OXR1: variants seen among roughly 807,000 people sequenced by gnomAD.
OXR1 encodes oxidation resistance 1.
Under a neutral mutation model 104.6 loss-of-function variants are expected in OXR1, and 41 were observed. The ratio of observed to expected loss-of-function variants is 0.39; its 90% CI spans 0.31 to 0.51. The LOEUF is 0.51. OXR1 is among the 20% of genes least tolerant of loss of function. The probability of loss-of-function intolerance (pLI) is 0.77; values close to 1 mark genes in which losing one functional copy is unlikely to be tolerated. For missense variants in OXR1, 955 were observed against 1,031.9 expected, an observed-to-expected ratio of 0.93 and a Z score of 1.02; for synonymous variants, 348 against 348.4, an observed-to-expected ratio of 1.00 and a Z score of 0.01.
intron 3 of OXR1, among the ~76,000 whole-genome samples, chr8:106,595,434 C>G (rs997820081): frequency 6.6e-6 from 1 of 151,234 alleles, no homozygotes; most frequent in Non-Finnish European, 1.5e-5. Flanking sequence ...CTTGTAATCC[C>G]AGCTACCCAT....
chr8:106,288,940 A>G (rs756869762), intron 1 of OXR1, among the ~76,000 whole-genome samples: 5 of 152,014 alleles, frequency 3.3e-5, no homozygotes, highest in Non-Finnish European at 5.9e-5. Flanking sequence ...TTGGGAAAAA[A>G]GTGGTGAATA....
At chr8:106,433,640 T>A (rs1336407403) in intron 2 of OXR1, among the ~76,000 whole-genome samples, 1 of 152,138 alleles carries the variant, frequency 6.6e-6, no homozygotes, top group Admixed American at 6.5e-5. Context: ...GTAGAGTCAA[T>A]TAGGTCTGAT....
chr8:106,348,719 A>C (rs1012281629), intron 1 of OXR1, among the ~76,000 whole-genome samples: 2 of 152,122 alleles, frequency 1.3e-5, no homozygotes, highest in African/African-American at 4.8e-5. Flanking sequence ...ACACCTGAAA[A>C]ACTTTGAGTT....
intron 2 of OXR1, among the ~76,000 whole-genome samples, chr8:106,486,398 G>C (rs1273842785): frequency 6.6e-6 from 1 of 152,064 alleles, no homozygotes; most frequent in Non-Finnish European, 1.5e-5. Context: ...TATTCTCTCA[G>C]ATATGACCTT....
intron 2 of OXR1, among the ~76,000 whole-genome samples, chr8:106,376,918 G>A (rs1310738188): frequency 6.6e-6 from 1 of 152,184 alleles, no homozygotes. Flanking sequence ...ATTAATACAA[G>A]TATCCCCTAC....
At chr8:106,592,217 A>G (rs1394483297) in intron 3 of OXR1, among the ~76,000 whole-genome samples, 2 of 152,236 alleles carry the variant, frequency 1.3e-5, no homozygotes, top group African/African-American at 4.8e-5. Context: ...TGGAGAAGTG[A>G]AAATCAAGAT....
chr8:106,616,600 C>T (rs1258831207), intron 3 of OXR1, among the ~76,000 whole-genome samples: 1 of 152,134 alleles, frequency 6.6e-6, no homozygotes, highest in Non-Finnish European at 1.5e-5. Context: ...TGGTCATGTA[C>T]TTTACTAGTC....
chr8:106,453,334 A>G (rs960772529), intron 2 of OXR1, among the ~76,000 whole-genome samples: 5 of 152,236 alleles, frequency 3.3e-5, no homozygotes, highest in African/African-American at 1.2e-4. Flanking sequence ...GGTAAAGTAC[A>G]TGGACCACTT....
At chr8:106,322,549 G>A (rs1381893857) in intron 1 of OXR1, among the ~76,000 whole-genome samples, 1 of 152,158 alleles carries the variant, frequency 6.6e-6, no homozygotes, top group African/African-American at 2.4e-5. Flanking sequence ...AATCAGGCAG[G>A]AGAAAGAAAT....
chr8:106,595,831 T>G (rs1007517051), intron 3 of OXR1, among the ~76,000 whole-genome samples: 2 of 152,152 alleles, frequency 1.3e-5, no homozygotes, highest in African/African-American at 4.8e-5. Context: ...TAGAATTCAG[T>G]ACACATTTGA....
chr8:106,569,401 TTGAGCA>T (rs762530492), intron 3 of OXR1, among the ~76,000 whole-genome samples: 3 of 152,178 alleles, frequency 2.0e-5, no homozygotes, highest in Non-Finnish European at 4.4e-5. Context: ...TCAACTGAGA[TTGAGCA>T]TTTTTCTGCA....
intron 3 of OXR1, among the ~76,000 whole-genome samples, chr8:106,666,537 A>G (rs968820159): frequency 2.1e-4 from 32 of 152,344 alleles, no homozygotes; most frequent in African/African-American, 7.7e-4. Flanking sequence ...TGGCAATGAG[A>G]TTTTGTAGTT....
At chr8:106,623,447 T>C (rs915016246) in intron 3 of OXR1, among the ~76,000 whole-genome samples, 4 of 152,040 alleles carry the variant, frequency 2.6e-5, no homozygotes, top group African/African-American at 4.8e-5. Context: ...ATGCCTATTA[T>C]ATTCTGTAAT....
chr8:106,722,485 C>A (rs1054122205), intron 11 of OXR1, among the ~76,000 whole-genome samples: 6 of 152,100 alleles, frequency 3.9e-5, no homozygotes, highest in African/African-American at 7.2e-5. Context: ...TACGGTCATG[C>A]AGCACATAAT....
intron 1 of OXR1, among the ~76,000 whole-genome samples, chr8:106,285,583 T>C (rs1812461648): frequency 6.6e-6 from 1 of 152,010 alleles, no homozygotes; most frequent in Non-Finnish European, 1.5e-5. Flanking sequence ...CTGAAACAGC[T>C]GGCCTCCACC....
chr8:106,706,491 A>G lies in OXR1; in HGVS notation c.970A>G (p.Ser324Gly). ...CCGAGATGCAGGTAATGATAGTGCC[A>G]GCACTGCTCCTAGGAGCACTGAGGA... ...RIRDAGNDSA[S>G]TAPRSTEESL... The change falls in exon 9 of 17, where the codon AGC becomes GGC. Residue 324 changes from serine to glycine, a missense_variant. Around this residue, in one of 2 missense-constraint regions of OXR1, gnomAD observed 849 missense variants for 852.9 expected, o/e 1.00. Coordinates refer to ENST00000517566, the MANE Select transcript of OXR1 (RefSeq NM_001198533.2). The G allele has an allele frequency of 1.2e-6, 2 of 1,601,092 alleles. No homozygotes were observed. The highest frequency in any genetic ancestry group is 1.1e-5 in the South Asian group (1 of 88,390).
At chr8:106,538,449 T>C (rs1259913928) in intron 3 of OXR1, among the ~76,000 whole-genome samples, 1 of 152,202 alleles carries the variant, frequency 6.6e-6, no homozygotes, top group Admixed American at 6.5e-5. Context: ...TCTTTTCTAC[T>C]ATTTTTTTTC....
intron 3 of OXR1, among the ~76,000 whole-genome samples, chr8:106,571,171 A>G (rs114790154): frequency 9.1e-4 from 138 of 152,118 alleles, no homozygotes; most frequent in African/African-American, 3.2e-3. Context: ...TGGGTTTTAC[A>G]TTAGTTAGTT....
chr8:106,461,390 G>A (rs1267129391), intron 2 of OXR1, among the ~76,000 whole-genome samples: 4 of 151,992 alleles, frequency 2.6e-5, no homozygotes, highest in African/African-American at 9.7e-5. Context: ...TGGCCAACAT[G>A]GTGAAACCCC....
Sources: allele counts gnomAD v4.1 joint callset (sites outside exome capture counted in the v4.1 genomes callset), GRCh38; gene constraint gnomAD v4.1.1; regional missense constraint gnomAD v4.1.1; transcripts MANE v1.5; gene names NCBI Gene and HGNC (gene_info 2026-07-23, HGNC 2026-07-21).